TGFBR1: variants seen among roughly 807,000 people sequenced by gnomAD.
The protein encoded by TGFBR1 is TGF-beta receptor type-1.
A neutral mutation model predicts 55.1 loss-of-function variants in TGFBR1; 20 were observed. The ratio of observed to expected loss-of-function variants is 0.36; its 90% CI spans 0.26 to 0.53. The LOEUF is 0.53. Among genes scored for constraint, TGFBR1 ranks in the 20% least tolerant of loss-of-function variants. TGFBR1 has a pLI of 0.91. For missense variants in TGFBR1, 385 were observed against 617.6 expected, an observed-to-expected ratio of 0.62 and a Z score of 3.99; for synonymous variants, 220 against 214.8, an observed-to-expected ratio of 1.02 and a Z score of -0.21.
At chr9:99,140,118 A>T (rs1232700644) in intron 4 of TGFBR1, among the ~76,000 whole-genome samples, 13 of 152,196 alleles carry the variant, frequency 8.5e-5, no homozygotes, top group Non-Finnish European at 1.8e-4. Context: ...GTAGGTAGCG[A>T]TTATCAGTGG....
chr9:99,117,253 A>ATTTTTT (rs34711337), intron 1 of TGFBR1, among the ~76,000 whole-genome samples: 1 of 135,472 alleles, frequency 7.4e-6, no homozygotes, highest in Non-Finnish European at 1.6e-5. Flanking sequence ...ACGCCTGGCT[A>ATTTTTT]TTTTTTTTTT....
intron 2 of TGFBR1, among the ~76,000 whole-genome samples, chr9:99,129,441 A>G (rs1195459551): frequency 1.3e-5 from 2 of 152,252 alleles, no homozygotes; most frequent in Non-Finnish European, 1.5e-5. Context: ...TAATGCTCCT[A>G]TCTTTTAAAG....
chr9:99,107,455 G>A (rs1376578352), intron 1 of TGFBR1, among the ~76,000 whole-genome samples: 2 of 152,176 alleles, frequency 1.3e-5, no homozygotes, highest in Non-Finnish European at 2.9e-5. Flanking sequence ...TCCCATCTGA[G>A]AATGCTATTT....
intron 1 of TGFBR1, among the ~76,000 whole-genome samples, chr9:99,111,295 CTTTTTTTTTTTTT>C (rs3034196): frequency 2.0e-4 from 11 of 55,154 alleles, no homozygotes; most frequent in South Asian, 6.7e-4. Context: ...TGCACCCATG[CTTTTTTTTTTTTT>C]TTTTTTTTTT....
rs139653246 is a variant in TGFBR1, at chr9:99,129,622, G to A, written c.343+522G>A. 5.7e-3 allele frequency among the ~76,000 whole-genome samples: 872 copies of A among 152,270 alleles called. 4 individuals carry two copies. Among genetic ancestry groups the A allele is most frequent in the Non-Finnish European group, 9.4e-3 (638 of 68,008 alleles). On this transcript the variant is annotated intron_variant, in intron 2 of 8. Transcript: ENST00000374994. The stretch of plus-strand genomic sequence containing the variant: ...TTACATTTAAAATTTCCTGGGGCTG[G>A]GTGCGGTGGCTCATGCCTGTAATCC...
At position 99,105,165 on chromosome 9, in the gene TGFBR1, CGGCCG is replaced by C. The variant is rs939451112; in HGVS notation, c.-26_-22del. ...GGTTTGCTGGGGTGAGGCAGCGGCG[CGGCCG>C]GGCCGGGCCGGGCCACAGGCGGTGG... is the stretch of plus-strand genomic sequence containing the variant. On this transcript the variant is annotated 5_prime_UTR_variant, in exon 1 of 9. Coordinates refer to ENST00000374994, the MANE Select transcript of TGFBR1 (RefSeq NM_004612.4). The C allele has an allele frequency of 4.2e-5, 46 of 1,084,576 alleles. No individual in the cohort carries two copies. Among genetic ancestry groups the C allele is most frequent in the East Asian group, 3.7e-4 (7 of 19,106 alleles). The allele number at this position is 1,084,576 out of a possible 1,614,324, so 67.2% of individuals were successfully genotyped here.
intron 1 of TGFBR1, among the ~76,000 whole-genome samples, chr9:99,119,447 C>T (rs573199370): frequency 5.9e-5 from 9 of 152,300 alleles, no homozygotes; most frequent in South Asian, 4.1e-4. Flanking sequence ...TTTTGTCCTA[C>T]GTGAGGGGTT....
In TGFBR1 at chr9:99,128,877, C is replaced by T. The variant is rs201267786; in HGVS notation, c.120C>T (p.Leu40=). 183 of 1,613,750 alleles carry T rather than the reference C, an allele frequency of 1.1e-4. No individual in the cohort carries two copies. Among genetic ancestry groups the T allele is most frequent in the Non-Finnish European group, 1.5e-4 (175 of 1,179,914 alleles). Residue 40 remains leucine (L), a synonymous_variant, in exon 2 of 9, where the codon CTC becomes CTT. Transcript: ENST00000374994. ...CAGCGTTACAGTGTTTCTGCCACCT[C>T]TGTACAAAAGACAATTTTACTTGTG... ...GATALQCFCH[L]CTKDNFTCVT...
At chr9:99,147,597 G>A in intron 7 of TGFBR1, 57 bp from the exon 8 acceptor site, 1 of 1,531,970 alleles carries the variant, frequency 6.5e-7, no homozygotes, top group Non-Finnish European at 9.0e-7. Context: ...ATCTTTTAAT[G>A]CCTTGGCATT....
At chr9:99,147,988 CT>C (rs1473137762) in intron 8 of TGFBR1, among the ~76,000 whole-genome samples, 1 of 152,140 alleles carries the variant, frequency 6.6e-6, no homozygotes, top group African/African-American at 2.4e-5. Flanking sequence ...TTGCAGTGGC[CT>C]TTAGTGTATC....
intron 1 of TGFBR1, among the ~76,000 whole-genome samples, chr9:99,127,600 C>G (rs747998439): frequency 6.6e-5 from 10 of 152,174 alleles, no homozygotes; most frequent in Admixed American, 1.3e-4. Flanking sequence ...GCAACTCAGT[C>G]CTGCTGAGTT....
At chr9:99,121,225 A>C (rs192466195) in intron 1 of TGFBR1, among the ~76,000 whole-genome samples, 5 of 152,274 alleles carry the variant, frequency 3.3e-5, no homozygotes, top group African/African-American at 4.8e-5. Flanking sequence ...TGTACATTAT[A>C]TGGTGTTCTC....
At chr9:99,125,409 G>GA (rs1827011067) in intron 1 of TGFBR1, among the ~76,000 whole-genome samples, 1 of 152,298 alleles carries the variant, frequency 6.6e-6, no homozygotes, top group South Asian at 2.1e-4. Flanking sequence ...AATGAGAATG[G>GA]AAAAACATTG....
intron 8 of TGFBR1, among the ~76,000 whole-genome samples, chr9:99,148,679 A>C (rs1297258963): frequency 6.6e-6 from 1 of 152,156 alleles, no homozygotes; most frequent in East Asian, 1.9e-4. Flanking sequence ...TAGTTTAATA[A>C]ATGAGAGTGC....
chr9:99,128,475 T>TA (rs66612011), intron 1 of TGFBR1, among the ~76,000 whole-genome samples: 3,024 of 103,926 alleles, frequency 0.029, 47 homozygotes, highest in African/African-American at 0.053. Context: ...TTGGGCCTGG[T>TA]AAAAAAAAAA....
rs565880670 is a variant in TGFBR1, at chr9:99,146,010, G to GC, written c.1131-474dup. The GC allele has an allele frequency of 6.6e-4, 142 of 216,680 alleles. 3 individuals carry two copies. In the East Asian group the frequency reaches 0.016, roughly 24 times the overall value. 13.4% of individuals were successfully genotyped at this position (216,680 alleles called of 1,614,324 possible). A position where few individuals can be genotyped will look rare whatever the true frequency, so the allele number is the denominator to read the frequency against. ...AGCTAAGGGGTCCTTGTCAGTGGTT[G>GC]CTGTAGGTCTCTGTGGGTCCTGACC... is the stretch of plus-strand genomic sequence containing the variant. On this transcript the variant is annotated intron_variant, in intron 6 of 8. Coordinates refer to ENST00000374994, the MANE Select transcript of TGFBR1 (RefSeq NM_004612.4).
At position 99,146,494 on chromosome 9, in the gene TGFBR1, C is replaced by T. The variant is rs1407167849; in HGVS notation, c.1140C>T (p.Ala380=). ...NHRVGTKRYM[A]PEVLDDSINM... ...TGCAAATTTTTTTTAGGTACATGGC[C>T]CCTGAAGTTCTCGATGATTCCATAA... Residue 380 remains alanine, a synonymous_variant, in exon 7 of 9, where the codon GCC becomes GCT. Transcript: ENST00000374994. The T allele has an allele frequency of 9.9e-6, 16 of 1,613,626 alleles. No homozygotes were observed. The highest frequency in any genetic ancestry group is 1.4e-5 in the Non-Finnish European group (16 of 1,179,810).
At chr9:99,106,144 T>C (rs1258556735) in intron 1 of TGFBR1, among the ~76,000 whole-genome samples, 1 of 152,252 alleles carries the variant, frequency 6.6e-6, no homozygotes, top group Non-Finnish European at 1.5e-5. Flanking sequence ...ATTAAACGCT[T>C]TTTATTTCCT....
chr9:99,132,857 C>T lies in TGFBR1; in HGVS notation c.574+118C>T, dbSNP rs990070820. 2.2e-5 allele frequency: 30 copies of T among 1,348,114 alleles called. No homozygotes were observed. In the African/African-American group the frequency reaches 4.4e-4, roughly 20 times the overall value. 83.5% of individuals were successfully genotyped at this position (1,348,114 alleles called of 1,614,324 possible). A position where few individuals can be genotyped will look rare whatever the true frequency, so the allele number is the denominator to read the frequency against. On this transcript the variant is annotated intron_variant, in intron 3 of 8. Transcript: ENST00000374994. ...ATGTGAGATAGTATAAATAATATTG[C>T]AGGTTTGAACCTAATAAAAATCTTT...
Sources: gnomAD v4.1 joint callset for allele counts (sites outside exome capture counted in the v4.1 genomes callset) on GRCh38, gnomAD v4.1.1 for gene constraint, MANE v1.5 for transcripts, NCBI Gene and HGNC (gene_info 2026-07-23, HGNC 2026-07-21) for gene names.